Variants in SH3YL1 observed in about 807,000 individuals in gnomAD.
SH3YL1 encodes SH3 and SYLF domain containing 1.
Under a neutral mutation model 45.8 loss-of-function variants are expected in SH3YL1, and 41 were observed. The ratio of observed to expected loss-of-function variants is 0.89; its 90% CI spans 0.70 to 1.16. SH3YL1 has a LOEUF of 1.16. SH3YL1 is among the 50% of genes most tolerant of loss of function. The probability of loss-of-function intolerance (pLI) is 0.00; values close to 1 mark genes in which losing one functional copy is unlikely to be tolerated. For synonymous variants in SH3YL1, 152 were observed against 151.4 expected (o/e 1.00, Z -0.03); for missense variants, 389 against 409.6 (o/e 0.95, Z 0.43).
At chr2:220,700 A>T (rs1667532813) in intron 9 of SH3YL1, among the ~76,000 whole-genome samples, 1 of 152,240 alleles carries the variant, frequency 6.6e-6, no homozygotes, top group East Asian at 1.9e-4. Context: ...ATGCTAAAGA[A>T]AAATCCATCC....
At chr2:254,197 T>C (rs1669207130) in intron 1 of SH3YL1, among the ~76,000 whole-genome samples, 2 of 152,234 alleles carry the variant, frequency 1.3e-5, no homozygotes, top group Non-Finnish European at 2.9e-5. Flanking sequence ...AGTAAAACTC[T>C]AGGAAGACTT....
chr2:241,000 T>C (rs1668519454), intron 4 of SH3YL1: 1 of 151,966 alleles, frequency 6.6e-6, no homozygotes, highest in Non-Finnish European at 1.5e-5. Flanking sequence ...GACAAAGAAG[T>C]GGGAGAGTGT....
chr2:264,500 T>C, upstream of SH3YL1: 1 of 165,072 alleles, frequency 6.1e-6, no homozygotes, highest in Non-Finnish European at 1.3e-5. Flanking sequence ...CTCCTCCAGG[T>C]ACCCCTCTCC....
intron 4 of SH3YL1, among the ~76,000 whole-genome samples, chr2:245,644 G>A (rs1668764075): frequency 6.6e-6 from 1 of 152,014 alleles, no homozygotes; most frequent in Non-Finnish European, 1.5e-5. Flanking sequence ...GAGCCAGAAT[G>A]GTCTGACCCA....
At position 238,635 on chromosome 2, in the gene SH3YL1, T is replaced by A. The variant is rs374688655; in HGVS notation, c.292-4363A>T. 7.9e-5 allele frequency among the ~76,000 whole-genome samples: 12 copies of A among 151,234 alleles called. No homozygotes were observed. In the East Asian group the frequency reaches 2.0e-3, roughly 25 times the overall value. On this transcript the variant is annotated intron_variant, in intron 4 of 9. Coordinates refer to ENST00000356150, the MANE Select transcript of SH3YL1 (RefSeq NM_015677.4). ...TGGAAACACAGCAAAGGACTGTACATGTCCAAAGCCAAGCCAGCAGCAGGA... is the reference window on the plus strand; with the variant it reads ...TGGAAACACAGCAAAGGACTGTACAAGTCCAAAGCCAAGCCAGCAGCAGGA...
Position 231,121 on chromosome 2 carries a change from C to A in SH3YL1, c.604G>T (p.Asp202Tyr). The stretch of plus-strand genomic sequence containing the variant: ...AAGGAATCAAGAATTTCATAAAGAT[C>A]TTCGGCTTGAGCAGGCCGCGGTGTA... ...GDTPRPAQAE[D>Y]LYEILDSFTE... is the part of the protein sequence containing the mutation. The change falls in exon 7 of 10, where the codon GAT (aspartate) becomes TAT (tyrosine). Residue 202 changes from aspartate to tyrosine, a missense_variant. Physicochemically the swap from Asp to Tyr is radical, Grantham distance 160. Transcript: ENST00000356150. The A allele has an allele frequency of 1.9e-6, 3 of 1,614,112 alleles. No individual in the cohort carries two copies. The highest frequency in any genetic ancestry group is 1.7e-6 in the Non-Finnish European group (2 of 1,179,992).
upstream of SH3YL1, chr2:264,072 G>A (rs899554707): frequency 7.4e-7 from 1 of 1,347,174 alleles, no homozygotes; most frequent in Non-Finnish European, 9.6e-7. Context: ...GGAGGCCCCA[G>A]CGAGGGCGTA....
At chr2:247,138 A>G (rs55912789) in intron 4 of SH3YL1, among the ~76,000 whole-genome samples, 272 of 152,334 alleles carry the variant, frequency 1.8e-3, no homozygotes, top group African/African-American at 6.1e-3. Flanking sequence ...TTTGAATATC[A>G]TATGTTACAA....
chr2:233,119 C>A lies in SH3YL1; in HGVS notation c.515G>T (p.Arg172Met). 1 of 1,580,174 alleles carries A rather than the reference C, an allele frequency of 6.3e-7. No homozygotes were observed. The highest frequency in any genetic ancestry group is 8.6e-7 in the Non-Finnish European group (1 of 1,161,962). Residue 172 changes from arginine (R) to methionine (M), a missense_variant, in exon 6 of 10, where the codon AGG becomes ATG. Physicochemically the swap from Arg to Met is moderately conservative, Grantham distance 91. Coordinates refer to ENST00000356150, the MANE Select transcript of SH3YL1 (RefSeq NM_015677.4). ...AACTGACTTTCTATTAGTTTCTTTC[C>A]TTTCAATCAAACAGCTCCCTTCTAA... Reference protein sequence around the residue: ...VSLEGSCLIERKETNRKFYCQ... With the variant: ...VSLEGSCLIEMKETNRKFYCQ...
intron 4 of SH3YL1, chr2:241,263 T>C (rs115611834): frequency 7.9e-4 from 120 of 152,204 alleles, no homozygotes; most frequent in African/African-American, 2.8e-3. Flanking sequence ...AAAAGTACAT[T>C]AAGCAACATG....
intron 4 of SH3YL1, chr2:241,701 T>C (rs1668550804): frequency 6.6e-6 from 1 of 152,084 alleles, no homozygotes; most frequent in South Asian, 2.1e-4. Flanking sequence ...ATAGATAGAT[T>C]TCTCTTCAAA....
intron 8 of SH3YL1, among the ~76,000 whole-genome samples, chr2:228,683 A>G (rs559147847): frequency 6.6e-6 from 1 of 152,340 alleles, no homozygotes; most frequent in South Asian, 2.1e-4. Context: ...AACATGAATC[A>G]GCAGTGGACC....
intron 7 of SH3YL1, chr2:230,257 C>CA (rs1667978235): frequency 5.4e-6 from 2 of 372,570 alleles, no homozygotes; most frequent in East Asian, 4.1e-5. Context: ...TCTTCTCATG[C>CA]CTGGAAGCTA....
intron 4 of SH3YL1, chr2:242,929 T>C (rs1182230439): frequency 1.8e-6 from 2 of 1,096,876 alleles, no homozygotes; most frequent in Non-Finnish European, 2.4e-6. Flanking sequence ...ATTATAATGA[T>C]AAAATGGTCA....
At chr2:251,840 A>G (rs1465772572) in intron 2 of SH3YL1, among the ~76,000 whole-genome samples, 3 of 152,220 alleles carry the variant, frequency 2.0e-5, no homozygotes, top group Non-Finnish European at 4.4e-5. Flanking sequence ...ACAACAACAA[A>G]TTTTTAAAGC....
At position 218,834 on chromosome 2, in the gene SH3YL1, C is replaced by T. The variant is rs545313794; in HGVS notation, c.1006G>A (p.Ala336Thr). 4.3e-5 allele frequency: 69 copies of T among 1,613,344 alleles called. No individual in the cohort carries two copies. In the South Asian group the frequency reaches 7.4e-4, roughly 17 times the overall value. ...CTTTAATTCATGGTTACGTAGTTGG[C>T]TGGAAAAATGCCAGTTTGACCTCGA... The part of the protein sequence containing the change: ...KLRGQTGIFP[A>T]NYVTMN The change falls in exon 10 of 10, where the codon GCC (alanine) becomes ACC (threonine). Residue 336 changes from alanine to threonine, a missense_variant. By Grantham distance (58) the Ala-to-Thr change is moderately conservative. Coordinates refer to ENST00000356150, the MANE Select transcript of SH3YL1 (RefSeq NM_015677.4).
intron 1 of SH3YL1, among the ~76,000 whole-genome samples, chr2:257,145 G>A (rs1233219651): frequency 6.6e-6 from 1 of 151,870 alleles, no homozygotes; most frequent in African/African-American, 2.4e-5. Context: ...GGCCTTTGTT[G>A]GATGTAGAGC....
At chr2:228,311 G>A (rs1465458123) in intron 8 of SH3YL1, among the ~76,000 whole-genome samples, 2 of 152,170 alleles carry the variant, frequency 1.3e-5, no homozygotes, top group South Asian at 2.1e-4. Flanking sequence ...AAACAGATCC[G>A]CAAGCTGGCA....
rs142110807 is a variant in SH3YL1 at position 241,147 on chromosome 2, A to G, written c.291+6391T>C. 2.6e-5 allele frequency: 4 copies of G among 152,284 alleles called. No individual in the cohort carries two copies. In the East Asian group the frequency reaches 7.7e-4, roughly 29 times the overall value. 9.4% of individuals were successfully genotyped at this position (152,284 alleles called of 1,614,324 possible). On this transcript the variant is annotated intron_variant, in intron 4 of 9. Coordinates refer to ENST00000356150, the MANE Select transcript of SH3YL1 (RefSeq NM_015677.4). ...TATGTTCAAAGAATTAAAGAAAACT[A>G]TGGTTAAGAAGTAGAAAAACGTACA...
Sources: allele counts gnomAD v4.1 joint callset (sites outside exome capture counted in the v4.1 genomes callset), GRCh38; gene constraint gnomAD v4.1.1; transcripts MANE v1.5; gene names NCBI Gene and HGNC (gene_info 2026-07-23, HGNC 2026-07-21).